CRACDL: variants seen among roughly 807,000 people sequenced by gnomAD.
CRACDL encodes CRACD like, also known as CRACD-like protein.
A neutral mutation model predicts 70.6 loss-of-function variants in CRACDL; 26 were observed. That is an observed-to-expected ratio of 0.37 (90% confidence interval 0.27 to 0.51). The LOEUF is 0.51. Among genes scored for constraint, CRACDL ranks in the 20% least tolerant of loss-of-function variants. The pLI, the probability that CRACDL is intolerant of heterozygous loss-of-function variation, is 0.94. For synonymous variants in CRACDL, 618 were observed against 615.2 expected, an observed-to-expected ratio of 1.00 and a Z score of -0.07; for missense variants, 1,283 against 1,376.9, an observed-to-expected ratio of 0.93 and a Z score of 1.08.
At chr2:98,851,908 C>T (rs1706496945) in intron 1 of CRACDL, among the ~76,000 whole-genome samples, 1 of 152,052 alleles carries the variant, frequency 6.6e-6, no homozygotes, top group South Asian at 2.1e-4. Flanking sequence ...GGAATCAACT[C>T]TTCTTTTCTT....
chr2:98,808,203 G>A (rs929825708), intron 7 of CRACDL, among the ~76,000 whole-genome samples: 1 of 152,222 alleles, frequency 6.6e-6, no homozygotes, highest in African/African-American at 2.4e-5. Context: ...CGTACTGGGT[G>A]GGAAGCATCA....
chr2:98,871,354 C>T (rs1018984759), intron 1 of CRACDL, among the ~76,000 whole-genome samples: 1 of 152,232 alleles, frequency 6.6e-6, no homozygotes, highest in Non-Finnish European at 1.5e-5. Flanking sequence ...AAGCACATCT[C>T]AGGCCTCATT....
rs190053212 is a variant in CRACDL, at chr2:98,891,334, G to A, written c.-10-44524C>T. Among the ~76,000 whole-genome samples, 10 of 127,422 alleles carry A rather than the reference G, an allele frequency of 7.8e-5. No individual in the cohort carries two copies. In the Admixed American group the frequency reaches 8.1e-4, roughly 10 times the overall value. 83.6% of individuals were successfully genotyped at this position (127,422 alleles called of 152,430 possible). On this transcript the variant is annotated intron_variant, in intron 1 of 9. Coordinates refer to ENST00000397899, the MANE Select transcript of CRACDL (RefSeq NM_207362.3). The stretch of plus-strand genomic sequence containing the variant: ...AGAGGCTGCAGTGAGCCAAGATCAC[G>A]CTACTGCACTCCAGCTTGGGTGACA...
intron 7 of CRACDL, among the ~76,000 whole-genome samples, chr2:98,801,571 T>A (rs1575319892): frequency 6.6e-6 from 1 of 152,234 alleles, no homozygotes; most frequent in East Asian, 1.9e-4. Flanking sequence ...GAAGATTCCA[T>A]GACATAATCC....
At chr2:98,877,539 A>T (rs945177097) in intron 1 of CRACDL, among the ~76,000 whole-genome samples, 7 of 152,136 alleles carry the variant, frequency 4.6e-5, no homozygotes, top group Admixed American at 3.9e-4. Context: ...TGAGGTCAGG[A>T]GTTTGAGACC....
At chr2:98,887,386 G>T (rs1319226975) in intron 1 of CRACDL, among the ~76,000 whole-genome samples, 1 of 152,162 alleles carries the variant, frequency 6.6e-6, no homozygotes, top group East Asian at 1.9e-4. Flanking sequence ...TACTCAGGAG[G>T]CTGAGGCAGA....
At chr2:98,869,212 G>T in intron 1 of CRACDL, 1 of 1,302,822 alleles carries the variant, frequency 7.7e-7, no homozygotes, top group Non-Finnish European at 1.0e-6. Context: ...GTGGCCTAGG[G>T]CCCACGGGTC....
chr2:98,872,261 G>A (rs774480251), intron 1 of CRACDL, among the ~76,000 whole-genome samples: 11 of 152,230 alleles, frequency 7.2e-5, no homozygotes, highest in Non-Finnish European at 1.6e-4. Flanking sequence ...GGGAGGCTGA[G>A]GCAAGAGAAT....
chr2:98,847,252 C>A (rs1706301061), intron 1 of CRACDL, among the ~76,000 whole-genome samples: 2 of 152,178 alleles, frequency 1.3e-5, no homozygotes, highest in African/African-American at 2.4e-5. Context: ...AATATTTTAT[C>A]CACATGCACA....
At chr2:98,905,953 G>A (rs1708401904) in intron 1 of CRACDL, among the ~76,000 whole-genome samples, 2 of 152,038 alleles carry the variant, frequency 1.3e-5, no homozygotes, top group African/African-American at 4.8e-5. Context: ...CCCTGCTAGG[G>A]GTTCCCTGAA....
chr2:98,838,015 A>T, intron 3 of CRACDL, 104 bp downstream of exon 3: 2 of 967,670 alleles, frequency 2.1e-6, no homozygotes, highest in Non-Finnish European at 3.0e-6. Flanking sequence ...CCTCTAATGG[A>T]ATTACCCAGG....
intron 7 of CRACDL, among the ~76,000 whole-genome samples, chr2:98,798,199 G>C (rs1703914992): frequency 6.6e-6 from 1 of 152,060 alleles, no homozygotes; most frequent in Non-Finnish European, 1.5e-5. Flanking sequence ...ACAAAAATTA[G>C]CTGGGCATGG....
chr2:98,823,225 G>A lies in CRACDL; in HGVS notation c.1048C>T (p.Leu350Phe). The A allele has an allele frequency of 2.1e-6, 3 of 1,414,854 alleles. No homozygotes were observed. Among genetic ancestry groups the A allele is most frequent in the East Asian group, 2.9e-5 (1 of 34,396 alleles). 87.6% of individuals were successfully genotyped at this position (1,414,854 alleles called of 1,614,324 possible). ...GGCGGGGACGGGGGCTCCACGCGGA[G>A]AGTGGGGGCCGACTCGGGCTCGGCG... ...ELAEPESAPT[L>F]RVEPPSPPEG... Residue 350 changes from leucine (L) to phenylalanine (F), a missense_variant, in exon 7 of 10, where the codon CTC becomes TTC. Around this residue, in one of 2 missense-constraint regions of CRACDL, gnomAD observed 362 missense variants for 495.0 expected, o/e 0.73. Transcript: ENST00000397899. This position sits in a 1 kb window ranked among gnomAD's most constrained non-coding sequence, Gnocchi z 4.0.
intron 1 of CRACDL, among the ~76,000 whole-genome samples, chr2:98,884,270 C>T (rs1362240786): frequency 6.6e-6 from 1 of 152,222 alleles, no homozygotes; most frequent in Non-Finnish European, 1.5e-5. Flanking sequence ...ACTCAGGGGC[C>T]TGCACAGCTC....
intron 3 of CRACDL, among the ~76,000 whole-genome samples, chr2:98,836,349 C>G (rs1705782318): frequency 6.6e-6 from 1 of 152,202 alleles, no homozygotes; most frequent in Non-Finnish European, 1.5e-5. Flanking sequence ...GCCTCTTCCT[C>G]TGTGCTGCTC....
chr2:98,868,435 A>G (rs1707228144), intron 1 of CRACDL, among the ~76,000 whole-genome samples: 1 of 152,216 alleles, frequency 6.6e-6, no homozygotes, highest in Admixed American at 6.5e-5. Context: ...TATTTATGCT[A>G]AGCAAATGAA....
At chr2:98,826,506 G>T (rs1705308706) in intron 6 of CRACDL, among the ~76,000 whole-genome samples, 2 of 152,194 alleles carry the variant, frequency 1.3e-5, no homozygotes, top group South Asian at 2.1e-4. Flanking sequence ...AACGGGCAGG[G>T]TGAGTTTTTC....
chr2:98,812,649 T>G (rs1704621658), intron 7 of CRACDL, among the ~76,000 whole-genome samples: 2 of 152,322 alleles, frequency 1.3e-5, no homozygotes, highest in South Asian at 2.1e-4. Context: ...TCTGTACACT[T>G]TCTCTGGTGA....
intron 1 of CRACDL, among the ~76,000 whole-genome samples, chr2:98,935,507 T>C (rs1709183946): frequency 1.3e-5 from 2 of 152,126 alleles, no homozygotes; most frequent in Admixed American, 1.3e-4. Context: ...AACCATCACC[T>C]AAAGCATAAG....
Sources: allele counts gnomAD v4.1 joint callset (sites outside exome capture counted in the v4.1 genomes callset), GRCh38; gene constraint gnomAD v4.1.1; regional missense constraint gnomAD v4.1.1; non-coding constraint Gnocchi (gnomAD v3.1); transcripts MANE v1.5; gene names NCBI Gene and HGNC (gene_info 2026-07-23, HGNC 2026-07-21).